Variants in MICU3 observed in about 807,000 individuals in gnomAD.
MICU3 encodes mitochondrial calcium uptake 3.
In MICU3, 62 loss-of-function variants were observed where a neutral mutation model predicts 66.5. The ratio of observed to expected loss-of-function variants is 0.93; its 90% CI spans 0.76 to 1.15. MICU3 has a LOEUF of 1.15. Among genes scored for constraint, MICU3 ranks in the 50% most tolerant of loss-of-function variants. The pLI, the probability that MICU3 is intolerant of heterozygous loss-of-function variation, is 0.00. For synonymous variants in MICU3, 308 were observed against 240.7 expected (o/e 1.28, Z -2.59); for missense variants, 779 against 664.4 (o/e 1.17, Z -1.90).
At chr8:17,123,215 T>A (rs531284255), downstream of MICU3, among the ~76,000 whole-genome samples, 1 of 152,242 alleles carries the variant, frequency 6.6e-6, no homozygotes, top group Non-Finnish European at 1.5e-5. Context: ...TCTTAGATTC[T>A]GTGAAATACT....
chr8:17,114,980 G>A (rs539600027), intron 12 of MICU3, among the ~76,000 whole-genome samples: 5 of 151,334 alleles, frequency 3.3e-5, no homozygotes, highest in South Asian at 2.1e-4. Context: ...TTAGCCGGGC[G>A]TAGTGGCGGG....
chr8:17,077,475 G>A (rs17124074), intron 3 of MICU3, among the ~76,000 whole-genome samples: 6,221 of 152,128 alleles, frequency 0.041, 462 homozygotes, highest in African/African-American at 0.14. Flanking sequence ...CTGGCTCCAG[G>A]ACTTAAACTC....
rs768014952 is a variant in MICU3, at chr8:17,120,940, C to T, written c.*653C>T. On this transcript the variant is annotated 3_prime_UTR_variant, in exon 15 of 15. Coordinates refer to ENST00000318063, the MANE Select transcript of MICU3 (RefSeq NM_181723.3). ...TTTTTAAAAATTGTTGTTTATTTGC[C>T]AAAGTCAACAGAATGTCTGTTATTG... 3 of 151,748 alleles carry T rather than the reference C, an allele frequency of 2.0e-5. No homozygotes were observed. The highest frequency in any genetic ancestry group is 4.4e-5 in the Non-Finnish European group (3 of 67,836). The allele number at this position is 151,748 out of a possible 1,614,324, so 9.4% of individuals were successfully genotyped here.
chr8:17,095,450 C>A (rs1237066254), intron 8 of MICU3, among the ~76,000 whole-genome samples: 1 of 151,746 alleles, frequency 6.6e-6, no homozygotes, highest in Admixed American at 6.6e-5. Flanking sequence ...CATAGTGACA[C>A]GAATTATAAA....
chr8:17,098,190 G>A (rs1248884794), intron 8 of MICU3, among the ~76,000 whole-genome samples: 1 of 151,726 alleles, frequency 6.6e-6, no homozygotes, highest in Non-Finnish European at 1.5e-5. Context: ...TAGAGGGGCA[G>A]AAGGAGAGAT....
Position 17,116,548 on chromosome 8 carries a change from G to A in MICU3, c.1472G>A (p.Ser491Asn), listed in dbSNP as rs1419957087. The change falls in exon 13 of 15, where the codon AGT becomes AAT. Residue 491 changes from serine (S) to asparagine (N), a missense_variant. Transcript: ENST00000318063. ...IFDVDKDDQL[S>N]YKEFIGIMKD... ...GATGTTGACAAAGATGATCAATTAA[G>A]TTATAAAGAATTTATTGGAATTATG... The A allele has an allele frequency of 1.3e-6, 2 of 1,565,168 alleles. No homozygotes were observed. The highest frequency in any genetic ancestry group is 2.2e-5 in the Admixed American group (1 of 46,370).
intron 1 of MICU3, among the ~76,000 whole-genome samples, chr8:17,041,320 C>T (rs543615609): frequency 1.3e-5 from 2 of 149,626 alleles, no homozygotes; most frequent in South Asian, 2.1e-4. Context: ...AAAGGTAATA[C>T]TATATTTTCG....
chr8:17,075,272 G>A (rs977916261), intron 3 of MICU3, among the ~76,000 whole-genome samples: 1 of 152,036 alleles, frequency 6.6e-6, no homozygotes, highest in Admixed American at 6.6e-5. Context: ...TTTTATTAGG[G>A]TTTCATTACA....
intron 6 of MICU3, among the ~76,000 whole-genome samples, chr8:17,085,642 C>T (rs896756729): frequency 6.6e-6 from 1 of 152,064 alleles, no homozygotes; most frequent in African/African-American, 2.4e-5. Context: ...CCCATTATGT[C>T]ATCCACCTAG....
the MICU3 span, among the ~76,000 whole-genome samples, chr8:17,137,863 C>T: frequency 4.0e-5 from 6 of 151,464 alleles, no homozygotes; most frequent in African/African-American, 9.7e-5. Flanking sequence ...ACTACAGGTG[C>T]GCACCACCAC....
the MICU3 span, among the ~76,000 whole-genome samples, chr8:17,134,952 C>T: frequency 2.6e-5 from 4 of 152,196 alleles, no homozygotes; most frequent in Non-Finnish European, 4.4e-5. Context: ...ATCACAACAC[C>T]TTTATACTAT....
intron 13 of MICU3, among the ~76,000 whole-genome samples, chr8:17,117,550 A>G (rs1470710815): frequency 1.3e-5 from 2 of 152,082 alleles, no homozygotes; most frequent in African/African-American, 4.8e-5. Flanking sequence ...GTTCTGTTAA[A>G]ATTAAGAGCT....
At chr8:17,037,972 G>T (rs1373599600) in intron 1 of MICU3, among the ~76,000 whole-genome samples, 1 of 152,190 alleles carries the variant, frequency 6.6e-6, no homozygotes, top group Non-Finnish European at 1.5e-5. Context: ...CATTTGGAAT[G>T]GGTGTGTTTA....
At chr8:17,031,207 G>C (rs1285159201) in intron 1 of MICU3, among the ~76,000 whole-genome samples, 1 of 151,676 alleles carries the variant, frequency 6.6e-6, no homozygotes, top group Non-Finnish European at 1.5e-5. Flanking sequence ...GACAGAGCAT[G>C]ACTTGGCTCA....
chr8:17,056,260 T>C (rs576473572), intron 1 of MICU3, among the ~76,000 whole-genome samples: 1 of 152,330 alleles, frequency 6.6e-6, no homozygotes, highest in South Asian at 2.1e-4. Context: ...AATAGTGGGC[T>C]TCAGTCAATT....
chr8:17,029,270 G>A (rs997769944), intron 1 of MICU3, among the ~76,000 whole-genome samples: 6 of 152,252 alleles, frequency 3.9e-5, no homozygotes, highest in African/African-American at 1.4e-4. Context: ...GAGGTCAGGA[G>A]TTCGAGACAA....
the MICU3 span, among the ~76,000 whole-genome samples, chr8:17,130,959 T>C: frequency 6.6e-6 from 1 of 152,136 alleles, no homozygotes; most frequent in Admixed American, 6.6e-5. Flanking sequence ...AAGACATGGA[T>C]AGAGTACATG....
At chr8:17,079,549 T>C (rs1016881976) in intron 4 of MICU3, among the ~76,000 whole-genome samples, 2 of 152,146 alleles carry the variant, frequency 1.3e-5, no homozygotes, top group African/African-American at 4.8e-5. Context: ...TGTTTTATTT[T>C]ATTTATTTAT....
In MICU3 at chr8:17,036,084, C is replaced by T. The variant is rs574925004; in HGVS notation, c.381+8424C>T. Among the ~76,000 whole-genome samples, 23 of 152,220 alleles carry T rather than the reference C, an allele frequency of 1.5e-4. No homozygotes were observed. The East Asian group carries it at 2.3e-3, about 15-fold the overall frequency. On this transcript the variant is annotated intron_variant, in intron 1 of 14. Coordinates refer to ENST00000318063, the MANE Select transcript of MICU3 (RefSeq NM_181723.3). ...GAGTGTTACAGCTCTTAAGGTGGCA[C>T]GTCTGGAGTCTGTCCCTTCTGATGT...
Sources: allele counts gnomAD v4.1 joint callset (sites outside exome capture counted in the v4.1 genomes callset), GRCh38; gene constraint gnomAD v4.1.1; transcripts MANE v1.5; gene names NCBI Gene and HGNC (gene_info 2026-07-23, HGNC 2026-07-21).